CEMIP: variants seen among roughly 807,000 people sequenced by gnomAD.
The protein encoded by CEMIP is cell migration inducing hyaluronidase 1.
Under a neutral mutation model 156.9 loss-of-function variants are expected in CEMIP, and 105 were observed. That is an observed-to-expected ratio of 0.67 (90% CI 0.57 to 0.79). The LOEUF is 0.79. Ranked by LOEUF, CEMIP falls within the 30% of genes least tolerant of loss-of-function variation. The pLI is 0.00. For synonymous variants in CEMIP, 676 were observed against 668.4 expected, an observed-to-expected ratio of 1.01 and a Z score of -0.17; for missense variants, 1,457 against 1,769.4, an observed-to-expected ratio of 0.82 and a Z score of 3.17.
intron 10 of CEMIP, among the ~76,000 whole-genome samples, chr15:80,894,404 G>A (rs534228861): frequency 8.5e-5 from 13 of 152,282 alleles, no homozygotes; most frequent in African/African-American, 3.1e-4. Flanking sequence ...GTTTTGCTAT[G>A]AAGATGAAAT....
At chr15:80,792,391 G>C (rs7183292) in intron 1 of CEMIP, among the ~76,000 whole-genome samples, 2 of 152,044 alleles carry the variant, frequency 1.3e-5, no homozygotes, top group African/African-American at 4.8e-5. Context: ...ACTGGGAAAG[G>C]GCATAAGCTT....
At position 80,817,934 on chromosome 15, in the gene CEMIP, G is replaced by A. The variant is rs183122990; in HGVS notation, c.-176+38320G>A. 1.6e-4 allele frequency among the ~76,000 whole-genome samples: 25 copies of A among 152,212 alleles called. No homozygotes were observed. In the East Asian group the frequency reaches 4.6e-3, roughly 28 times the overall value. The stretch of plus-strand genomic sequence containing the variant: ...TAGGTGTTGGTCAGTTAATGTAAAA[G>A]GTTTCAGTGTTTCTTAATTATTTAA... On this transcript the variant is annotated intron_variant, in intron 1 of 29. Transcript: ENST00000394685.
intron 12 of CEMIP, chr15:80,900,920 C>T (rs1448692584): frequency 2.2e-6 from 1 of 455,558 alleles, no homozygotes; most frequent in Admixed American, 2.4e-5. Context: ...CTCATTGCTC[C>T]CAGATTTCAT....
Position 80,948,936 on chromosome 15 carries a change from G to T in CEMIP, c.*12G>T. On this transcript the variant is annotated 3_prime_UTR_variant, in exon 30 of 30. Coordinates refer to ENST00000394685, the MANE Select transcript of CEMIP (RefSeq NM_001293298.2). ...AGAAGAAGTTGTGAGGACAGCTGCC[G>T]CCCGGTGCCACCTCGTGGTAGACTA... The T allele has an allele frequency of 6.2e-7, 1 of 1,614,126 alleles. No homozygotes were observed. Among genetic ancestry groups the T allele is most frequent in the Non-Finnish European group, 8.5e-7 (1 of 1,179,990 alleles).
At chr15:80,895,316 C>G (rs1219516725) in intron 11 of CEMIP, among the ~76,000 whole-genome samples, 194 bp downstream of exon 11, 1 of 152,194 alleles carries the variant, frequency 6.6e-6, no homozygotes, top group Non-Finnish European at 1.5e-5. Flanking sequence ...ATAAGCCTTT[C>G]AGGAAGGGGA....
At chr15:80,794,261 A>G (rs1416908417) in intron 1 of CEMIP, among the ~76,000 whole-genome samples, 2 of 152,218 alleles carry the variant, frequency 1.3e-5, no homozygotes, top group African/African-American at 4.8e-5. Flanking sequence ...TGTAGTATCC[A>G]TATTCATATG....
At chr15:80,816,852 G>T (rs945065936) in intron 1 of CEMIP, among the ~76,000 whole-genome samples, 1 of 152,130 alleles carries the variant, frequency 6.6e-6, no homozygotes, top group African/African-American at 2.4e-5. Context: ...GTGATTAGGA[G>T]CCTACAGTGC....
intron 1 of CEMIP, among the ~76,000 whole-genome samples, chr15:80,869,007 G>C (rs1220947958): frequency 6.6e-6 from 1 of 152,220 alleles, no homozygotes; most frequent in Non-Finnish European, 1.5e-5. Flanking sequence ...TTTACTCATA[G>C]TTCTGGAGGC....
chr15:80,823,827 T>C (rs892844332), intron 1 of CEMIP, among the ~76,000 whole-genome samples: 5 of 152,214 alleles, frequency 3.3e-5, no homozygotes, highest in African/African-American at 1.2e-4. Context: ...CGATGGACCT[T>C]TCTTTCACAT....
chr15:80,882,757 TACACACAC>T (rs67853416), intron 6 of CEMIP, among the ~76,000 whole-genome samples: 36 of 149,854 alleles, frequency 2.4e-4, no homozygotes, highest in Non-Finnish European at 4.1e-4. Context: ...TGCACACACA[TACACACAC>T]ACACACACAC....
chr15:80,928,144 A>G (rs1900763421), intron 19 of CEMIP, among the ~76,000 whole-genome samples: 1 of 152,162 alleles, frequency 6.6e-6, no homozygotes, highest in African/African-American at 2.4e-5. Context: ...TGGAAGGAGC[A>G]GAGGCATAGA....
At chr15:80,900,595 T>C (rs1014265896) in intron 12 of CEMIP, among the ~76,000 whole-genome samples, 2 of 112,762 alleles carry the variant, frequency 1.8e-5, no homozygotes, top group African/African-American at 3.5e-5. Context: ...GGTGTGTGTG[T>C]GTGTGTGTGT....
chr15:80,790,352 C>T (rs1248222631), intron 1 of CEMIP, among the ~76,000 whole-genome samples: 1 of 152,196 alleles, frequency 6.6e-6, no homozygotes, highest in Non-Finnish European at 1.5e-5. Context: ...AGACTAAAGC[C>T]TGACTAAAGT....
At position 80,875,939 on chromosome 15, in the gene CEMIP, T is replaced by C. The variant is rs766900422; in HGVS notation, c.94+1966T>C. On this transcript the variant is annotated intron_variant, in intron 3 of 29. Coordinates refer to ENST00000394685, the MANE Select transcript of CEMIP (RefSeq NM_001293298.2). ...TGTCAGAGCTTCTGGAGAGCTGGGA[T>C]GTGTGCTCACACAGGTCAGACTGAC... 7.8e-4 allele frequency among the ~76,000 whole-genome samples: 119 copies of C among 152,344 alleles called. No individual in the cohort carries two copies. The Middle Eastern group carries it at 0.01, about 13-fold the overall frequency.
intron 12 of CEMIP, among the ~76,000 whole-genome samples, chr15:80,900,405 A>G (rs1899427777): frequency 6.6e-6 from 1 of 151,994 alleles, no homozygotes; most frequent in Non-Finnish European, 1.5e-5. Context: ...AACGCCCTCC[A>G]CTTTCCTTGG....
rs760392884 is a variant in CEMIP, at chr15:80,933,372, C to T, written c.2921C>T (p.Thr974Met). 6.0e-5 allele frequency: 97 copies of T among 1,614,034 alleles called. No homozygotes were observed. The highest frequency in any genetic ancestry group is 7.7e-5 in the Non-Finnish European group (91 of 1,180,038). Residue 974 changes from threonine to methionine, a missense_variant, in exon 23 of 30, where the codon ACG becomes ATG. Coordinates refer to ENST00000394685, the MANE Select transcript of CEMIP (RefSeq NM_001293298.2). ...TCCGAGTACCCTGGCTCCTACCTCACGAAGAATGACAACTGGCTGGTCCGG... is the reference window on the plus strand; with the variant it reads ...TCCGAGTACCCTGGCTCCTACCTCATGAAGAATGACAACTGGCTGGTCCGG... ...SVSEYPGSYL[T>M]KNDNWLVRHP...
At position 80,936,899 on chromosome 15, in the gene CEMIP, C is replaced by T. The variant is rs542068847; in HGVS notation, c.3221+14C>T. 6.2e-7 allele frequency: 1 copy of T among 1,611,822 alleles called. No individual in the cohort carries two copies. Among genetic ancestry groups the T allele is most frequent in the Admixed American group, 1.7e-5 (1 of 60,034 alleles). On this transcript the variant is annotated intron_variant, in intron 24 of 29. Coordinates refer to ENST00000394685, the MANE Select transcript of CEMIP (RefSeq NM_001293298.2). ...CAACTTCAACAAGTGAGTGGGTGTC[C>T]AGCCAGGAGCAGTGAGCTCAAAGCT...
At chr15:80,907,913 T>G (rs115106784) in intron 13 of CEMIP, among the ~76,000 whole-genome samples, 3 of 152,212 alleles carry the variant, frequency 2.0e-5, no homozygotes, top group Non-Finnish European at 2.9e-5. Flanking sequence ...AGGATAAGAC[T>G]TTTTGGTAGT....
chr15:80,942,098 G>A (rs765994001), intron 26 of CEMIP, 45 bp downstream of exon 26: 23 of 1,584,646 alleles, frequency 1.5e-5, no homozygotes, highest in Non-Finnish European at 2.0e-5. Flanking sequence ...CCGTCCAGTC[G>A]GGCCTAGAGC....
Sources: allele counts gnomAD v4.1 joint callset (sites outside exome capture counted in the v4.1 genomes callset), GRCh38; gene constraint gnomAD v4.1.1; transcripts MANE v1.5; gene names NCBI Gene and HGNC (gene_info 2026-07-23, HGNC 2026-07-21).